ARHGEF18: variants seen among roughly 807,000 people sequenced by gnomAD.
The protein encoded by ARHGEF18 is rho guanine nucleotide exchange factor 18.
Under a neutral mutation model 155.7 loss-of-function variants are expected in ARHGEF18, and 93 were observed. The ratio of observed to expected loss-of-function variants is 0.60; its 90% CI spans 0.50 to 0.71. The LOEUF is 0.71. Ranked by LOEUF, ARHGEF18 falls within the 30% of genes least tolerant of loss-of-function variation. The pLI is 0.00. For synonymous variants in ARHGEF18, 742 were observed against 753.1 expected (o/e 0.99, Z 0.24); for missense variants, 1,593 against 1,816.1 (o/e 0.88, Z 2.23).
intron 1 of ARHGEF18, among the ~76,000 whole-genome samples, chr19:7,353,957 T>TAA (rs587629242): frequency 0.031 from 4,250 of 136,180 alleles, 173 homozygotes; most frequent in African/African-American, 0.096. Context: ...AGACTCTGTC[T>TAA]AAAAAAAAAA....
intron 10 of ARHGEF18, among the ~76,000 whole-genome samples, chr19:7,386,143 A>T (rs1457928514): frequency 2.0e-5 from 3 of 150,020 alleles, no homozygotes; most frequent in South Asian, 4.2e-4. Context: ...CCTCAGCCTC[A>T]CAAATACCTG....
At chr19:7,394,612 C>A (rs1404031849) in intron 10 of ARHGEF18, among the ~76,000 whole-genome samples, 1 of 151,876 alleles carries the variant, frequency 6.6e-6, no homozygotes. Context: ...TCGGGGTCCC[C>A]CCAACCCCGC....
At position 7,444,407 on chromosome 19, in the gene ARHGEF18, G is replaced by A. The variant is rs1417702790; in HGVS notation, c.1564G>A (p.Asp522Asn). 2 of 1,613,702 alleles carry A rather than the reference G, an allele frequency of 1.2e-6. No individual in the cohort carries two copies. Among genetic ancestry groups the A allele is most frequent in the East Asian group, 2.2e-5 (1 of 44,880 alleles). The change falls in exon 14 of 29, where the codon GAC (aspartate) becomes AAC (asparagine). Residue 522 changes from aspartate to asparagine, a missense_variant. Coordinates refer to ENST00000668164, the MANE Select transcript of ARHGEF18 (RefSeq NM_001367823.1). This position sits in a 1 kb window ranked among gnomAD's most constrained non-coding sequence, Gnocchi z 4.7. ...RRQESLEEGS[D>N]RNYVIQKIGD... ...CCAGGAGTCCCTGGAGGAGGGCAGT[G>A]ACCGGAATTATGTCATCCAGAAAAT...
intron 16 of ARHGEF18, 117 bp downstream of exon 16, chr19:7,451,383 G>T (rs1346661677): frequency 1.6e-5 from 12 of 761,146 alleles, no homozygotes; most frequent in South Asian, 2.0e-5. Context: ...AATCCAGTTT[G>T]CTGGGTGCTG....
At chr19:7,393,154 C>G (rs1236824853) in intron 10 of ARHGEF18, among the ~76,000 whole-genome samples, 3 of 152,060 alleles carry the variant, frequency 2.0e-5, no homozygotes, top group African/African-American at 7.2e-5. Context: ...CATAAACTCC[C>G]GTGTTAGAGT....
chr19:7,394,622 C>A (rs1971580480), intron 10 of ARHGEF18, among the ~76,000 whole-genome samples: 1 of 151,822 alleles, frequency 6.6e-6, no homozygotes, highest in African/African-American at 2.4e-5. Flanking sequence ...CCCAACCCCG[C>A]TGTCCTCCCT....
rs1976982750 is a variant in ARHGEF18 at position 7,470,842 on chromosome 19, C to T, written c.*544C>T. 1 of 401,210 alleles carries T rather than the reference C, an allele frequency of 2.5e-6. No individual in the cohort carries two copies. Among genetic ancestry groups the T allele is most frequent in the Admixed American group, 4.4e-5 (1 of 22,738 alleles). 24.9% of individuals were successfully genotyped at this position (401,210 alleles called of 1,614,324 possible). A position where few individuals can be genotyped will look rare whatever the true frequency, so the allele number is the denominator to read the frequency against. On this transcript the variant is annotated 3_prime_UTR_variant, in exon 29 of 29. Coordinates refer to ENST00000668164, the MANE Select transcript of ARHGEF18 (RefSeq NM_001367823.1). This position sits in a 1 kb window ranked among gnomAD's most constrained non-coding sequence, Gnocchi z 5.9. ...CAGAATCCACTTCCCAAACAGAGCC[C>T]CACGCAGGTTCACCATGAACCTCAG...
chr19:7,359,639 T>A (rs1323074112), intron 1 of ARHGEF18, among the ~76,000 whole-genome samples: 1 of 152,084 alleles, frequency 6.6e-6, no homozygotes, highest in Non-Finnish European at 1.5e-5. Flanking sequence ...GATACAAGAA[T>A]GAATGCTCAA....
chr19:7,358,295 A>ATCCC (rs1969407495), intron 1 of ARHGEF18, among the ~76,000 whole-genome samples: 1 of 147,918 alleles, frequency 6.8e-6, no homozygotes, highest in South Asian at 2.1e-4. Flanking sequence ...CCATCCATCC[A>ATCCC]CTCTTCCATC....
chr19:7,453,013 T>C (rs1057171832), intron 16 of ARHGEF18, among the ~76,000 whole-genome samples: 6 of 151,512 alleles, frequency 4.0e-5, no homozygotes, highest in Admixed American at 2.0e-4. Context: ...CTGGCCAACA[T>C]AGTGAAACCC....
intron 3 of ARHGEF18, among the ~76,000 whole-genome samples, chr19:7,373,705 A>G (rs1223748620): frequency 6.6e-6 from 1 of 150,730 alleles, no homozygotes; most frequent in Non-Finnish European, 1.5e-5. Flanking sequence ...CGAACTCCTG[A>G]CTTCATGATC....
Position 7,362,859 on chromosome 19 carries a change from G to A in ARHGEF18, c.-32G>A. 1 of 1,234,292 alleles carries A rather than the reference G, an allele frequency of 8.1e-7. No homozygotes were observed. Among genetic ancestry groups the A allele is most frequent in the Non-Finnish European group, 1.0e-6 (1 of 988,176 alleles). 76.5% of individuals were successfully genotyped at this position (1,234,292 alleles called of 1,614,324 possible). ...GCCACCAAGAGCAGCAGTGGATCCT[G>A]GAAACCTGAGAACCCAGACTTCTTC... On this transcript the variant is annotated 5_prime_UTR_variant, in exon 2 of 29. Coordinates refer to ENST00000668164, the MANE Select transcript of ARHGEF18 (RefSeq NM_001367823.1).
chr19:7,375,286 AAAGAAAAGAAAG>A (rs1568276781), intron 3 of ARHGEF18, among the ~76,000 whole-genome samples: 3 of 91,228 alleles, frequency 3.3e-5, no homozygotes, highest in African/African-American at 1.0e-4. Flanking sequence ...AAAAAAAAAG[AAAGAAAAGAAAG>A]AAAGAAAAGA....
At chr19:7,446,483 C>T (rs987367079) in intron 14 of ARHGEF18, among the ~76,000 whole-genome samples, 3 of 151,798 alleles carry the variant, frequency 2.0e-5, no homozygotes, top group Non-Finnish European at 4.4e-5. Flanking sequence ...TGGCTCATGC[C>T]TATAATCCCA....
In ARHGEF18 at chr19:7,466,984, C is replaced by T. The variant is rs1976664527; in HGVS notation, c.2961+10C>T. ...CGTCCTGGAGTCGGAGGTAGGCGCC[C>T]GCGGGTCTCCATCTCCCCAGGGCCT... is the stretch of plus-strand genomic sequence containing the variant. On this transcript the variant is annotated intron_variant, in intron 24 of 28. Coordinates refer to ENST00000668164, the MANE Select transcript of ARHGEF18 (RefSeq NM_001367823.1). 3 of 1,613,352 alleles carry T rather than the reference C, an allele frequency of 1.9e-6. No homozygotes were observed. The highest frequency in any genetic ancestry group is 2.2e-5 in the South Asian group (2 of 91,076).
chr19:7,366,407 G>T (rs1969888569), intron 2 of ARHGEF18, among the ~76,000 whole-genome samples: 2 of 152,204 alleles, frequency 1.3e-5, no homozygotes, highest in African/African-American at 4.8e-5. Context: ...AAGGCGCCAT[G>T]AGCTCTCCAG....
rs1375184780 is a variant in ARHGEF18, at chr19:7,354,061, A to G, written c.-111+4820A>G. 3.3e-5 allele frequency among the ~76,000 whole-genome samples: 5 copies of G among 152,154 alleles called. No homozygotes were observed. The East Asian group carries it at 9.6e-4, about 29-fold the overall frequency. On this transcript the variant is annotated intron_variant, in intron 1 of 28. Coordinates refer to ENST00000668164, the MANE Select transcript of ARHGEF18 (RefSeq NM_001367823.1). ...TGCCATGGCTCACGCCTGTAATCCC[A>G]AAACTTTGGAGGCTGAGCCAGGAGG...
At chr19:7,473,898 GC>G (rs562657329), downstream of ARHGEF18, among the ~76,000 whole-genome samples, 1 of 151,502 alleles carries the variant, frequency 6.6e-6, no homozygotes, top group South Asian at 2.1e-4. Flanking sequence ...CAGGAGGATT[GC>G]TTGAGCCTAG....
chr19:7,405,794 T>C (rs1972271013), intron 10 of ARHGEF18, among the ~76,000 whole-genome samples: 1 of 151,634 alleles, frequency 6.6e-6, no homozygotes, highest in Admixed American at 6.6e-5. Context: ...GTTTTTGTAA[T>C]GCTGTTTTGT....
Sources: allele counts gnomAD v4.1 joint callset (sites outside exome capture counted in the v4.1 genomes callset), GRCh38; gene constraint gnomAD v4.1.1; non-coding constraint Gnocchi (gnomAD v3.1); transcripts MANE v1.5; gene names NCBI Gene and HGNC (gene_info 2026-07-23, HGNC 2026-07-21).